The following FGF12 variants were observed in gnomAD, a reference collection of about 807,000 sequenced individuals.
FGF12 encodes the protein fibroblast growth factor 12.
Under a neutral mutation model 23.6 loss-of-function variants are expected in FGF12, and 14 were observed. That is an observed-to-expected ratio of 0.59 (90% CI 0.39 to 0.93). The LOEUF (loss-of-function observed/expected upper bound fraction) is 0.93, where lower values mean the gene tolerates loss of function less well. Ranked by LOEUF, FGF12 falls within the 40% of genes least tolerant of loss-of-function variation. The pLI is 0.00. For missense variants in FGF12, 175 were observed against 217.8 expected, an observed-to-expected ratio of 0.80 and a Z score of 1.24; for synonymous variants, 62 against 77.3, an observed-to-expected ratio of 0.80 and a Z score of 1.04.
rs139204832 is a variant in FGF12, at chr3:192,316,365, T to C, written c.228+18996A>G. Among the ~76,000 whole-genome samples the C allele has an allele frequency of 8.4e-4, 128 of 152,178 alleles. 1 individual carries two copies. The East Asian group carries it at 0.021, about 25-fold the overall frequency. On this transcript the variant is annotated intron_variant, in intron 4 of 5. Transcript: ENST00000445105. ...TCACTGAAAGAGGCACTGAAGAGGG[T>C]AGGAAAGACAGTTATGAATCACCTA...
intron 4 of FGF12, chr3:192,282,918 A>C (rs1238693767): frequency 1.3e-5 from 2 of 152,102 alleles, no homozygotes; most frequent in African/African-American, 4.8e-5. Flanking sequence ...CCATGAGGTA[A>C]GTGGACGTGA....
intron 4 of FGF12, among the ~76,000 whole-genome samples, chr3:192,259,957 A>G (rs1216432957): frequency 1.3e-5 from 2 of 152,136 alleles, no homozygotes; most frequent in Admixed American, 6.6e-5. Flanking sequence ...TAATGGTTGA[A>G]TGTCTTCACT....
intron 2 of FGF12, among the ~76,000 whole-genome samples, chr3:192,511,105 C>G (rs539971713): frequency 6.6e-6 from 1 of 152,160 alleles, no homozygotes; most frequent in Admixed American, 6.5e-5. Flanking sequence ...TTCAGGCTAC[C>G]AGCCTGAGAA....
chr3:192,552,090 A>G (rs1050084619), intron 2 of FGF12, among the ~76,000 whole-genome samples: 2 of 152,158 alleles, frequency 1.3e-5, no homozygotes, highest in Non-Finnish European at 2.9e-5. Flanking sequence ...AAACTATAAC[A>G]TAGGACTAAT....
chr3:192,217,250 A>G (rs1718238065), intron 4 of FGF12, among the ~76,000 whole-genome samples: 1 of 152,226 alleles, frequency 6.6e-6, no homozygotes, highest in African/African-American at 2.4e-5. Flanking sequence ...CATGCAGTGC[A>G]CATAAAACTG....
At position 192,494,857 on chromosome 3, in the gene FGF12, TATAA is replaced by T. The variant is rs1208884208; in HGVS notation, c.14-134323_14-134320del. ...GGGCCTATGCATATATATATATATATATAAAATACATTTTTCTTTTTGAGATGGA... is the reference window on the plus strand; with the variant it reads ...GGGCCTATGCATATATATATATATATAATACATTTTTCTTTTTGAGATGGA... On this transcript the variant is annotated intron_variant, in intron 2 of 5. Coordinates refer to ENST00000445105, the MANE Select transcript of FGF12 (RefSeq NM_004113.6). Among the ~76,000 whole-genome samples the T allele has an allele frequency of 6.2e-3, 747 of 119,878 alleles. 4 individuals carry two copies. The highest frequency in any genetic ancestry group is 0.017 in the African/African-American group (601 of 34,732). The allele number at this position is 119,878 out of a possible 152,430, so 78.6% of individuals were successfully genotyped here.
chr3:192,562,960 C>T (rs1712112742), intron 2 of FGF12, among the ~76,000 whole-genome samples: 1 of 152,176 alleles, frequency 6.6e-6, no homozygotes, highest in Non-Finnish European at 1.5e-5. Flanking sequence ...GGCTTACATA[C>T]TCTTAGACAC....
chr3:192,610,060 C>T (rs1265374342), intron 2 of FGF12, among the ~76,000 whole-genome samples: 1 of 152,012 alleles, frequency 6.6e-6, no homozygotes, highest in Non-Finnish European at 1.5e-5. Context: ...TATTTGCTTC[C>T]AATTTATTGT....
At chr3:192,224,951 T>C (rs899363224) in intron 4 of FGF12, among the ~76,000 whole-genome samples, 1 of 152,116 alleles carries the variant, frequency 6.6e-6, no homozygotes, top group African/African-American at 2.4e-5. Flanking sequence ...ATACCCGGAA[T>C]TCTGACGTAA....
At chr3:192,420,854 C>T (rs34923513) in intron 2 of FGF12, among the ~76,000 whole-genome samples, 21,636 of 152,136 alleles carry the variant, frequency 0.14, 1,889 homozygotes, top group Admixed American at 0.26. Flanking sequence ...AATCTCAGTA[C>T]ACACTCACAG....
chr3:192,718,872 C>T (rs1718945463), intron 2 of FGF12, among the ~76,000 whole-genome samples: 2 of 152,072 alleles, frequency 1.3e-5, no homozygotes, highest in Non-Finnish European at 2.9e-5. Context: ...TATGATCACC[C>T]TGTTTATTTT....
chr3:192,175,025 C>T (rs1350786176), intron 4 of FGF12, among the ~76,000 whole-genome samples: 1 of 152,122 alleles, frequency 6.6e-6, no homozygotes, highest in African/African-American at 2.4e-5. Context: ...CATCTAGGAC[C>T]TTGTGCCATA....
At chr3:192,311,435 A>C (rs144602380) in intron 4 of FGF12, among the ~76,000 whole-genome samples, 3 of 152,272 alleles carry the variant, frequency 2.0e-5, no homozygotes, top group Non-Finnish European at 4.4e-5. Context: ...ATCACATAAT[A>C]TTTTCATGGT....
chr3:192,496,584 T>C (rs1177873294), intron 2 of FGF12, among the ~76,000 whole-genome samples: 1 of 152,166 alleles, frequency 6.6e-6, no homozygotes, highest in African/African-American at 2.4e-5. Flanking sequence ...ACAACTTCAC[T>C]GCAAAACTCT....
intron 2 of FGF12, among the ~76,000 whole-genome samples, chr3:192,694,912 G>C (rs1718065147): frequency 6.6e-6 from 1 of 152,062 alleles, no homozygotes; most frequent in South Asian, 2.1e-4. Flanking sequence ...AAAGGGTAAA[G>C]AGTTGCAGTT....
At chr3:192,190,474 T>C (rs964103649) in intron 4 of FGF12, among the ~76,000 whole-genome samples, 9 of 132,676 alleles carry the variant, frequency 6.8e-5, no homozygotes, top group Middle Eastern at 3.5e-3. Context: ...TACTCTTTTT[T>C]TTTTTTTTTT....
chr3:192,209,910 A>G, intron 4 of FGF12, among the ~76,000 whole-genome samples: 1 of 152,208 alleles, frequency 6.6e-6, no homozygotes. Context: ...CATTAGTCAC[A>G]TGTTGTATAC....
At chr3:192,434,150 T>G (rs201865299) in intron 2 of FGF12, among the ~76,000 whole-genome samples, 1 of 152,098 alleles carries the variant, frequency 6.6e-6, no homozygotes, top group Non-Finnish European at 1.5e-5. Context: ...TTCTCACTTT[T>G]GCAAATAAAA....
At chr3:192,540,844 T>C (rs1725346828) in intron 2 of FGF12, among the ~76,000 whole-genome samples, 1 of 152,230 alleles carries the variant, frequency 6.6e-6, no homozygotes, top group South Asian at 2.1e-4. Flanking sequence ...ATATTTATAG[T>C]TGTTACATCA....
Sources: allele counts gnomAD v4.1 joint callset (sites outside exome capture counted in the v4.1 genomes callset), GRCh38; gene constraint gnomAD v4.1.1; transcripts MANE v1.5; gene names NCBI Gene and HGNC (gene_info 2026-07-23, HGNC 2026-07-21).